MDGA2: variants seen among roughly 807,000 people sequenced by gnomAD.
MDGA2 encodes the protein MAM domain-containing glycosylphosphatidylinositol anchor protein 2.
MDGA2 carries 40 observed loss-of-function variants against 117.8 expected under a neutral mutation model. The ratio of observed to expected loss-of-function variants is 0.34; its 90% confidence interval spans 0.26 to 0.44. The LOEUF (loss-of-function observed/expected upper bound fraction) is 0.44, where lower values mean the gene tolerates loss of function less well. MDGA2 is among the 20% of genes least tolerant of loss of function. The pLI, the probability that MDGA2 is intolerant of heterozygous loss-of-function variation, is 1.00. For synonymous variants in MDGA2, 452 were observed against 439.0 expected (o/e 1.03, Z -0.37); for missense variants, 1,123 against 1,250.6 (o/e 0.90, Z 1.54).
rs1555352798 is a variant in MDGA2, at chr14:47,101,134, T to TAGAA, written c.926-4015_926-4012dup. 6.1e-3 allele frequency among the ~76,000 whole-genome samples: 821 copies of TAGAA among 134,886 alleles called. 10 individuals carry two copies. Among genetic ancestry groups the TAGAA allele is most frequent in the African/African-American group, 9.8e-3 (374 of 38,118 alleles). 88.5% of individuals were successfully genotyped at this position (134,886 alleles called of 152,430 possible). A position where few individuals can be genotyped will look rare whatever the true frequency, so the allele number is the denominator to read the frequency against. On this transcript the variant is annotated intron_variant, in intron 5 of 16. Transcript: ENST00000399232. ...ATAGATAGATAGATAGACAGATAGATAGAAAGAAATTGGTCCTGGAGAGGC... is the reference window on the plus strand; with the variant it reads ...ATAGATAGATAGATAGACAGATAGATAGAAAGAAAGAAATTGGTCCTGGAGAGGC...
At chr14:47,223,640 G>A (rs1219241693) in intron 2 of MDGA2, among the ~76,000 whole-genome samples, 3 of 152,086 alleles carry the variant, frequency 2.0e-5, no homozygotes, top group Non-Finnish European at 4.4e-5. Context: ...ACTTAACTCT[G>A]GAAAAACAGA....
rs1036395149 is a variant in MDGA2 at position 47,168,606 on chromosome 14, A to G, written c.596-24332T>C. Among the ~76,000 whole-genome samples, 10 of 152,234 alleles carry G rather than the reference A, an allele frequency of 6.6e-5. No homozygotes were observed. In the East Asian group the frequency reaches 1.9e-3, roughly 29 times the overall value. On this transcript the variant is annotated intron_variant, in intron 3 of 16. Transcript: ENST00000399232. ...ACTAATAATATATTACATAATTCAGAATCTAGAGCAGTTACATGGCACGTA... is the reference window on the plus strand; with the variant it reads ...ACTAATAATATATTACATAATTCAGGATCTAGAGCAGTTACATGGCACGTA...
chr14:46,972,002 T>C (rs755389439), intron 8 of MDGA2, among the ~76,000 whole-genome samples: 19 of 152,170 alleles, frequency 1.2e-4, no homozygotes, highest in Non-Finnish European at 2.5e-4. Context: ...ATTAAAATGT[T>C]TTCTTGTGTT....
At chr14:47,186,860 G>A (rs1212993130) in intron 3 of MDGA2, among the ~76,000 whole-genome samples, 1 of 151,796 alleles carries the variant, frequency 6.6e-6, no homozygotes. Flanking sequence ...ATTATGTATT[G>A]TTGATTATCA....
chr14:47,493,759 T>A (rs942366084), intron 1 of MDGA2, among the ~76,000 whole-genome samples: 1 of 152,226 alleles, frequency 6.6e-6, no homozygotes, highest in Admixed American at 6.5e-5. Context: ...ACATTTGGCT[T>A]ATTTTTGTCA....
intron 3 of MDGA2, among the ~76,000 whole-genome samples, chr14:47,189,178 C>T (rs1885019481): frequency 6.6e-6 from 1 of 152,070 alleles, no homozygotes; most frequent in African/African-American, 2.4e-5. Flanking sequence ...CTCTCTCTTC[C>T]CCTTACCTCT....
At chr14:47,039,613 T>C (rs1038041153) in intron 7 of MDGA2, among the ~76,000 whole-genome samples, 1 of 152,180 alleles carries the variant, frequency 6.6e-6, no homozygotes, top group African/African-American at 2.4e-5. Flanking sequence ...ATGAGAGTGC[T>C]TGTCACAACA....
intron 15 of MDGA2, 103 bp downstream of exon 15, chr14:46,854,921 A>T: frequency 9.4e-7 from 1 of 1,061,246 alleles, no homozygotes; most frequent in Non-Finnish European, 1.3e-6. Flanking sequence ...TGATGCTTAT[A>T]TCGTGGAATT....
rs890277984 is a variant in MDGA2, at chr14:47,239,226, A to G, written c.421-21031T>C. On this transcript the variant is annotated intron_variant, in intron 2 of 16. Transcript: ENST00000399232. ...TTTACGAAAGTCAAAATTTATTAAA[A>G]AAAAAAAAGGGCTCTGATAAGTGCT... Among the ~76,000 whole-genome samples, 7 of 151,398 alleles carry G rather than the reference A, an allele frequency of 4.6e-5. No individual in the cohort carries two copies. In the East Asian group the frequency reaches 5.8e-4, roughly 13 times the overall value.
intron 2 of MDGA2, among the ~76,000 whole-genome samples, chr14:47,286,749 T>C (rs1216384328): frequency 1.4e-5 from 2 of 141,048 alleles, no homozygotes; most frequent in Admixed American, 7.1e-5. Flanking sequence ...GAGAATGCTA[T>C]TGAAAAGTAT....
intron 3 of MDGA2, among the ~76,000 whole-genome samples, chr14:47,208,593 C>G (rs545496032): frequency 6.8e-6 from 1 of 148,106 alleles, no homozygotes; most frequent in South Asian, 2.1e-4. Flanking sequence ...ACTTTGCCCT[C>G]AGGGAGAAAG....
At chr14:47,266,191 ACTCC>A (rs1248757822) in intron 2 of MDGA2, among the ~76,000 whole-genome samples, 4 of 151,998 alleles carry the variant, frequency 2.6e-5, no homozygotes, top group African/African-American at 4.8e-5. Flanking sequence ...GGTCTGCTTA[ACTCC>A]CAAGCCCATT....
At chr14:47,191,023 A>G (rs745529014) in intron 3 of MDGA2, among the ~76,000 whole-genome samples, 3 of 152,034 alleles carry the variant, frequency 2.0e-5, no homozygotes, top group Non-Finnish European at 4.4e-5. Flanking sequence ...GACTTGCCCT[A>G]TGGTTCTTAT....
At chr14:47,297,813 G>C (rs17118287) in intron 2 of MDGA2, among the ~76,000 whole-genome samples, 4,277 of 152,202 alleles carry the variant, frequency 0.028, 204 homozygotes, top group African/African-American at 0.096. Flanking sequence ...TTTAAAGCAG[G>C]ATATAGGAAT....
intron 2 of MDGA2, among the ~76,000 whole-genome samples, chr14:47,261,260 A>C (rs1349724082): frequency 6.6e-6 from 1 of 152,118 alleles, no homozygotes; most frequent in African/African-American, 2.4e-5. Flanking sequence ...AACAAAACAA[A>C]AAGCCAAATT....
chr14:47,521,836 T>G (rs1256006014), intron 1 of MDGA2, among the ~76,000 whole-genome samples: 1 of 152,112 alleles, frequency 6.6e-6, no homozygotes, highest in African/African-American at 2.4e-5. Context: ...CACACCTGGC[T>G]AATTTTTGTA....
At chr14:47,396,243 G>C (rs1364060458) in intron 1 of MDGA2, among the ~76,000 whole-genome samples, 2 of 151,916 alleles carry the variant, frequency 1.3e-5, no homozygotes, top group Non-Finnish European at 2.9e-5. Context: ...AGTCACATTT[G>C]TACTTCTAGA....
intron 10 of MDGA2, among the ~76,000 whole-genome samples, chr14:46,913,257 A>G (rs1883773767): frequency 6.6e-6 from 1 of 152,108 alleles, no homozygotes; most frequent in Admixed American, 6.6e-5. Context: ...ACCTGTCTCT[A>G]TTATAATAAC....
chr14:47,631,662 CTT>C (rs906052150), intron 1 of MDGA2, among the ~76,000 whole-genome samples: 2 of 152,118 alleles, frequency 1.3e-5, no homozygotes, highest in African/African-American at 4.8e-5. Context: ...GTAGTTGACT[CTT>C]AATATTTTCC....
Sources: gnomAD v4.1 joint callset for allele counts (sites outside exome capture counted in the v4.1 genomes callset) on GRCh38, gnomAD v4.1.1 for gene constraint, MANE v1.5 for transcripts, NCBI Gene and HGNC (gene_info 2026-07-23, HGNC 2026-07-21) for gene names.